ORC4: variants seen among roughly 807,000 people sequenced by gnomAD.
The protein encoded by ORC4 is origin recognition complex, subunit 4 homolog.
In ORC4, 55 loss-of-function variants were observed where a neutral mutation model predicts 63.9. The observed-to-expected ratio is 0.86, with a 90% confidence interval of 0.69 to 1.08. The LOEUF is 1.08. Ranked by LOEUF, ORC4 falls within the 50% of genes least tolerant of loss-of-function variation. ORC4 has a pLI of 0.00. For missense variants in ORC4, 511 were observed against 504.4 expected (o/e 1.01, Z -0.13); for synonymous variants, 150 against 168.5 (o/e 0.89, Z 0.85).
At chr2:147,967,339 T>C (rs141511382) in intron 4 of ORC4, among the ~76,000 whole-genome samples, 21 of 152,088 alleles carry the variant, frequency 1.4e-4, no homozygotes, top group African/African-American at 3.6e-4. Context: ...GCCAAAGCAA[T>C]GGGAAAGGAA....
At chr2:147,995,070 A>C (rs1160853329) in intron 1 of ORC4, among the ~76,000 whole-genome samples, 1 of 151,688 alleles carries the variant, frequency 6.6e-6, no homozygotes, top group Non-Finnish European at 1.5e-5. Flanking sequence ...AAATGCACCA[A>C]TCAGCACTCT....
intron 2 of ORC4, among the ~76,000 whole-genome samples, chr2:147,975,207 A>G (rs1177739717): frequency 6.6e-6 from 1 of 152,154 alleles, no homozygotes; most frequent in African/African-American, 2.4e-5. Context: ...TTCCCTACTA[A>G]TCTATAAGCT....
At chr2:148,003,678 G>T (rs904814058) in intron 1 of ORC4, among the ~76,000 whole-genome samples, 4 of 152,130 alleles carry the variant, frequency 2.6e-5, no homozygotes, top group African/African-American at 4.8e-5. Context: ...AAAACAGGAA[G>T]CATTCCCTTT....
chr2:147,979,899 T>C (rs531109799), intron 1 of ORC4, among the ~76,000 whole-genome samples: 17 of 152,160 alleles, frequency 1.1e-4, no homozygotes, highest in Admixed American at 5.2e-4. Context: ...TGAACCCTTA[T>C]TGCACACCAT....
chr2:148,009,268 C>T (rs1406465401), intron 1 of ORC4, among the ~76,000 whole-genome samples: 1 of 151,640 alleles, frequency 6.6e-6, no homozygotes, highest in East Asian at 1.9e-4. Context: ...AGAAAATAAC[C>T]AGAACAACAA....
At chr2:147,986,575 G>A (rs1016118133) in intron 1 of ORC4, among the ~76,000 whole-genome samples, 6 of 152,118 alleles carry the variant, frequency 3.9e-5, no homozygotes, top group Non-Finnish European at 8.8e-5. Context: ...AGTTCTGAGA[G>A]AGAGACCAAG....
intron 1 of ORC4, among the ~76,000 whole-genome samples, chr2:147,993,070 C>A (rs1040266949): frequency 6.6e-6 from 1 of 152,166 alleles, no homozygotes; most frequent in African/African-American, 2.4e-5. Context: ...TACAGACAGG[C>A]AGGCCTTGCT....
At chr2:147,962,883 C>A (rs961716072) in intron 4 of ORC4, among the ~76,000 whole-genome samples, 2 of 152,076 alleles carry the variant, frequency 1.3e-5, no homozygotes, top group African/African-American at 4.8e-5. Flanking sequence ...AGAAGGTTAC[C>A]CCTGGCAGGC....
At chr2:147,947,901 T>C (rs934045817) in intron 9 of ORC4, 150 bp downstream of exon 9, 1 of 620,190 alleles carries the variant, frequency 1.6e-6, no homozygotes, top group East Asian at 2.9e-5. Flanking sequence ...AGAAGAAAAT[T>C]TTTAAAAAGT....
At chr2:147,954,728 A>G (rs1165942027) in intron 7 of ORC4, among the ~76,000 whole-genome samples, 1 of 152,172 alleles carries the variant, frequency 6.6e-6, no homozygotes, top group African/African-American at 2.4e-5. Flanking sequence ...TTAAAGAACA[A>G]AATTATTCAA....
intron 1 of ORC4, among the ~76,000 whole-genome samples, chr2:148,005,372 G>A (rs536879274): frequency 1.3e-5 from 2 of 151,852 alleles, no homozygotes; most frequent in African/African-American, 4.8e-5. Flanking sequence ...TGGACACAGG[G>A]AGGGCAACAT....
intron 13 of ORC4, chr2:147,936,797 G>C (rs1688073923): frequency 6.6e-6 from 1 of 152,074 alleles, no homozygotes; most frequent in Admixed American, 6.5e-5. Flanking sequence ...GAGGTGGGCG[G>C]ATCATGAGGT....
chr2:147,947,382 C>T (rs1316003331), intron 9 of ORC4, among the ~76,000 whole-genome samples: 2 of 152,030 alleles, frequency 1.3e-5, no homozygotes, highest in African/African-American at 4.8e-5. Context: ...TTCCTCCTTT[C>T]TCTTTGCCAA....
intron 1 of ORC4, among the ~76,000 whole-genome samples, chr2:148,018,422 C>T (rs371525116): frequency 1.4e-4 from 21 of 152,296 alleles, no homozygotes; most frequent in East Asian, 7.7e-4. Flanking sequence ...AACATACGTA[C>T]TCTACAAAAA....
At chr2:147,937,633 G>C (rs1688125917) in intron 13 of ORC4, among the ~76,000 whole-genome samples, 1 of 151,972 alleles carries the variant, frequency 6.6e-6, no homozygotes, top group South Asian at 2.1e-4. Context: ...TTTTCTTACA[G>C]GTACTAGAAA....
At chr2:147,991,612 T>A (rs1212004323) in intron 1 of ORC4, among the ~76,000 whole-genome samples, 1 of 152,002 alleles carries the variant, frequency 6.6e-6, no homozygotes, top group African/African-American at 2.4e-5. Context: ...GTGGATCACC[T>A]GAGTTCAGGA....
chr2:147,971,301 A>T (rs1213818664), intron 4 of ORC4, among the ~76,000 whole-genome samples: 1 of 151,804 alleles, frequency 6.6e-6, no homozygotes, highest in Non-Finnish European at 1.5e-5. Flanking sequence ...TGAAAAGAAT[A>T]ATATTCTTTT....
intron 1 of ORC4, among the ~76,000 whole-genome samples, chr2:148,006,963 C>A (rs915381885): frequency 6.6e-6 from 1 of 152,238 alleles, no homozygotes; most frequent in African/African-American, 2.4e-5. Context: ...GAGCAAGAGA[C>A]TCTGCCTGGT....
intron 7 of ORC4, among the ~76,000 whole-genome samples, chr2:147,953,781 C>A (rs1285996323): frequency 6.6e-6 from 1 of 152,078 alleles, no homozygotes; most frequent in Non-Finnish European, 1.5e-5. Flanking sequence ...AGGCTTAACG[C>A]CTTTATATTT....
Sources: gnomAD v4.1 joint callset for allele counts (sites outside exome capture counted in the v4.1 genomes callset) on GRCh38, gnomAD v4.1.1 for gene constraint, MANE v1.5 for transcripts, NCBI Gene and HGNC (gene_info 2026-07-23, HGNC 2026-07-21) for gene names.